The following TMC1 variants were observed in gnomAD, a reference collection of about 807,000 sequenced individuals.
TMC1 encodes transmembrane channel like 1.
A neutral mutation model predicts 105.8 loss-of-function variants in TMC1; 84 were observed. The ratio of observed to expected loss-of-function variants is 0.79; its 90% CI spans 0.67 to 0.95. The LOEUF (loss-of-function observed/expected upper bound fraction) is 0.95, where lower values mean the gene tolerates loss of function less well. TMC1 is among the 40% of genes least tolerant of loss of function. The pLI is 0.00. For missense variants in TMC1, 817 were observed against 914.1 expected, an observed-to-expected ratio of 0.89 and a Z score of 1.37; for synonymous variants, 315 against 311.5, an observed-to-expected ratio of 1.01 and a Z score of -0.12.
chr9:72,649,530 C>T (rs1313206094), intron 5 of TMC1, among the ~76,000 whole-genome samples: 1 of 152,142 alleles, frequency 6.6e-6, no homozygotes, highest in Non-Finnish European at 1.5e-5. Flanking sequence ...AGGCTCATAT[C>T]TTGGGAATCT....
chr9:72,742,245 T>C (rs1418883153), intron 9 of TMC1, among the ~76,000 whole-genome samples, 199 bp from the exon 10 acceptor site: 2 of 152,160 alleles, frequency 1.3e-5, no homozygotes, highest in African/African-American at 4.8e-5. Flanking sequence ...CATTTTTTTG[T>C]TGAATTAAAT....
chr9:72,692,506 G>A (rs1440003984), intron 6 of TMC1, among the ~76,000 whole-genome samples: 13 of 152,136 alleles, frequency 8.5e-5, no homozygotes, highest in East Asian at 1.9e-4. Context: ...GAGGGAAGGC[G>A]GGTCCAGGGC....
At chr9:72,551,480 C>T (rs1057130050) in intron 1 of TMC1, among the ~76,000 whole-genome samples, 1 of 152,166 alleles carries the variant, frequency 6.6e-6, no homozygotes, top group African/African-American at 2.4e-5. Context: ...GGGAAATCTC[C>T]TTCCCCCTGT....
chr9:72,669,526 T>C, intron 5 of TMC1, among the ~76,000 whole-genome samples: 1 of 152,332 alleles, frequency 6.6e-6, no homozygotes, highest in East Asian at 1.9e-4. Context: ...ATGACATCTA[T>C]CATAAACATT....
chr9:72,672,473 A>G (rs935400695), intron 5 of TMC1, among the ~76,000 whole-genome samples: 7 of 152,130 alleles, frequency 4.6e-5, no homozygotes, highest in Non-Finnish European at 7.4e-5. Context: ...TAAAAGTTAA[A>G]AATGGTCTAA....
chr9:72,712,507 G>A (rs926626018), intron 8 of TMC1, among the ~76,000 whole-genome samples: 1 of 152,016 alleles, frequency 6.6e-6, no homozygotes, highest in African/African-American at 2.4e-5. Context: ...AGATTCCTAG[G>A]TATTTTATTC....
At position 72,743,603 on chromosome 9, in the gene TMC1, C is replaced by T. The variant is rs192217032; in HGVS notation, c.535+1078C>T. ...AAAAGAAAGAAAGAAAGAAAAAAAA[C>T]GAAGTCTTAAAACCTCATTTTCAAA... On this transcript the variant is annotated intron_variant, in intron 10 of 23. Transcript: ENST00000297784. 6.2e-5 allele frequency among the ~76,000 whole-genome samples: 9 copies of T among 145,542 alleles called. No individual in the cohort carries two copies. In the East Asian group the frequency reaches 1.6e-3, roughly 26 times the overall value.
intron 12 of TMC1, among the ~76,000 whole-genome samples, chr9:72,768,113 CACATATACACCATGGCATACTATGT>C (rs1827867727): frequency 6.6e-6 from 1 of 152,090 alleles, no homozygotes; most frequent in African/African-American, 2.4e-5. Flanking sequence ...GAAAATGTGG[CACATATACACCATGGCATACTATGT>C]AGCCATAAAA....
At chr9:72,800,921 T>C (rs1828460004) in intron 17 of TMC1, among the ~76,000 whole-genome samples, 1 of 152,142 alleles carries the variant, frequency 6.6e-6, no homozygotes, top group African/African-American at 2.4e-5. Flanking sequence ...GAGATCAATA[T>C]CTGTATCCAT....
chr9:72,737,967 G>A (rs527739380), intron 8 of TMC1, among the ~76,000 whole-genome samples: 1 of 152,158 alleles, frequency 6.6e-6, no homozygotes, highest in South Asian at 2.1e-4. Context: ...ATGATAAAGG[G>A]TGCAATCCCA....
At chr9:72,787,438 C>G (rs1480999485) in intron 13 of TMC1, among the ~76,000 whole-genome samples, 1 of 151,974 alleles carries the variant, frequency 6.6e-6, no homozygotes, top group Non-Finnish European at 1.5e-5. Flanking sequence ...GTCATTGTGC[C>G]CCTTTCTTCT....
intron 1 of TMC1, among the ~76,000 whole-genome samples, chr9:72,566,923 G>C (rs1033162468): frequency 3.3e-5 from 5 of 152,214 alleles, no homozygotes; most frequent in Non-Finnish European, 7.3e-5. Context: ...TAGCAAGAGA[G>C]ATCTTTCTCA....
chr9:72,706,664 A>G (rs1356505481), intron 8 of TMC1, among the ~76,000 whole-genome samples: 1 of 152,244 alleles, frequency 6.6e-6, no homozygotes, highest in African/African-American at 2.4e-5. Context: ...ACGAATGAGA[A>G]CATATGATAT....
At chr9:72,768,239 C>T (rs937608338) in intron 12 of TMC1, among the ~76,000 whole-genome samples, 7 of 151,764 alleles carry the variant, frequency 4.6e-5, no homozygotes, top group Admixed American at 2.0e-4. Flanking sequence ...AACCAAACAC[C>T]ACATGTTCTC....
intron 17 of TMC1, among the ~76,000 whole-genome samples, chr9:72,801,972 G>T (rs1196208713): frequency 6.6e-6 from 1 of 152,110 alleles, no homozygotes; most frequent in Non-Finnish European, 1.5e-5. Context: ...AGGATGTGGA[G>T]GACTTCCAAA....
At chr9:72,793,276 G>A (rs890427260) in intron 17 of TMC1, among the ~76,000 whole-genome samples, 6 of 152,116 alleles carry the variant, frequency 3.9e-5, no homozygotes, top group Non-Finnish European at 8.8e-5. Flanking sequence ...GTGACAGTCT[G>A]CAGGCCCCAC....
rs1485931271 is a variant in TMC1, at chr9:72,836,009, C to A, written c.*36C>A. On this transcript the variant is annotated 3_prime_UTR_variant, in exon 24 of 24. Transcript: ENST00000297784. The stretch of plus-strand genomic sequence containing the variant: ...GAGAGCCCAGAAAAGGTACACTTTG[C>A]CTTGCTGTTTAAAAGTAATGCAATA... 1.9e-6 allele frequency: 3 copies of A among 1,597,154 alleles called. No homozygotes were observed. In the African/African-American group the frequency reaches 4.1e-5, roughly 22 times the overall value.
In TMC1 at chr9:72,631,309, A is replaced by C. The variant is rs372554893; in HGVS notation, c.-53+3246A>C. Among the ~76,000 whole-genome samples the C allele has an allele frequency of 1.4e-4, 21 of 152,374 alleles. No homozygotes were observed. The East Asian group carries it at 2.3e-3, about 17-fold the overall frequency. On this transcript the variant is annotated intron_variant, in intron 4 of 23. Coordinates refer to ENST00000297784, the MANE Select transcript of TMC1 (RefSeq NM_138691.3). ...CTATATATTTTTGTTACTGGACAAG[A>C]AAAGATGCATTATAGAGTCTCGTTT...
chr9:72,611,478 G>A (rs994031437), intron 2 of TMC1, among the ~76,000 whole-genome samples: 1 of 152,222 alleles, frequency 6.6e-6, no homozygotes, highest in Non-Finnish European at 1.5e-5. Context: ...CTGAGCATCA[G>A]TTAGGTCCCT....
Sources: allele counts gnomAD v4.1 joint callset (sites outside exome capture counted in the v4.1 genomes callset), GRCh38; gene constraint gnomAD v4.1.1; transcripts MANE v1.5; gene names NCBI Gene and HGNC (gene_info 2026-07-23, HGNC 2026-07-21).